UBE2O: variants seen among roughly 807,000 people sequenced by gnomAD.
UBE2O encodes the protein (E3-independent) E2 ubiquitin-conjugating enzyme.
A neutral mutation model predicts 125.8 loss-of-function variants in UBE2O; 15 were observed. The ratio of observed to expected loss-of-function variants is 0.12; its 90% CI spans 0.08 to 0.18. The LOEUF (loss-of-function observed/expected upper bound fraction) is 0.18. UBE2O is among the 10% of genes least tolerant of loss of function. The probability of loss-of-function intolerance (pLI) is 1.00; values close to 1 mark genes in which losing one functional copy is unlikely to be tolerated. For missense variants in UBE2O, 1,280 were observed against 1,723.6 expected (o/e 0.74, Z 4.56); for synonymous variants, 708 against 703.2 (o/e 1.01, Z -0.11).
chr17:76,442,929 G>A (rs557340412), intron 1 of UBE2O, among the ~76,000 whole-genome samples: 1 of 152,324 alleles, frequency 6.6e-6, no homozygotes, highest in East Asian at 1.9e-4. Context: ...GGCACAGGAT[G>A]CAAGAGGCCT....
chr17:76,399,530 A>T lies in UBE2O; in HGVS notation c.1547T>A (p.Ile516Asn), dbSNP rs2072278359. The change falls in exon 9 of 18, where the codon ATC becomes AAC. Residue 516 changes from isoleucine (I) to asparagine (N), a missense_variant. This residue lies in a region of UBE2O where 145 missense variants were observed against 219.6 expected (regional missense o/e 0.66). Transcript: ENST00000319380. The surrounding 1 kb of genome is among the most constrained non-coding windows in gnomAD (Gnocchi z 6.9). The part of the protein sequence containing the change: ...SGSGTSRKKS[I>N]PLSIKNLKRK... ...CTTTAAGTTCTTGATGGACAAGGGGATGCTCTTTTTGCGACTCGTGCCGCT... is the reference window on the plus strand; with the variant it reads ...CTTTAAGTTCTTGATGGACAAGGGGTTGCTCTTTTTGCGACTCGTGCCGCT... The T allele has an allele frequency of 2.5e-6, 4 of 1,614,048 alleles. No individual in the cohort carries two copies. In the East Asian group the frequency reaches 8.9e-5, roughly 36 times the overall value.
chr17:76,413,486 G>C (rs2072550585), intron 1 of UBE2O, among the ~76,000 whole-genome samples: 1 of 152,144 alleles, frequency 6.6e-6, no homozygotes, highest in African/African-American at 2.4e-5. Flanking sequence ...CATGTGGTAA[G>C]AATAAGTACT....
chr17:76,399,718 G>C lies in UBE2O; in HGVS notation c.1359C>G (p.Pro453=). 6.2e-7 allele frequency: 1 copy of C among 1,614,120 alleles called. No individual in the cohort carries two copies. Among genetic ancestry groups the C allele is most frequent in the South Asian group, 1.1e-5 (1 of 91,082 alleles). Residue 453 remains proline (P), a synonymous_variant, in exon 9 of 18, where the codon CCC becomes CCG. Transcript: ENST00000319380. The surrounding 1 kb of genome is among the most constrained non-coding windows in gnomAD (Gnocchi z 6.9). ...VEMQDEGAEE[P]HEAGEQLPPF... ...GGGGCAGCTGCTCTCCTGCCTCGTG[G>C]GGCTCCTCTGCACCCTCGTCCTGCA...
intron 1 of UBE2O, among the ~76,000 whole-genome samples, chr17:76,424,581 A>G (rs986198780): frequency 3.9e-5 from 6 of 152,136 alleles, no homozygotes; most frequent in African/African-American, 1.4e-4. Context: ...TAAAACATTA[A>G]AATTAATTTC....
In UBE2O at chr17:76,391,394, T is replaced by C; in HGVS notation, c.3428A>G (p.Glu1143Gly). The change falls in exon 18 of 18, where the codon GAG (glutamate) becomes GGG (glycine). Residue 1143 changes from glutamate to glycine, a missense_variant. Glu to Gly is a moderately conservative substitution (Grantham distance 98, BLOSUM62 -2). Around this residue, in one of 10 missense-constraint regions of UBE2O, gnomAD observed 233 missense variants for 279.0 expected, o/e 0.84. Coordinates refer to ENST00000319380, the MANE Select transcript of UBE2O (RefSeq NM_022066.4). The surrounding 1 kb of genome is among the most constrained non-coding windows in gnomAD (Gnocchi z 8.4). ...TGGWRLVNRI[E>G]SWLETHALLE... is the part of the protein sequence containing the mutation. ...CAGGGCATGGGTTTCCAGCCAGGAC[T>C]CGATACGGTTCACCAGCCGCCAGCC... 2 of 1,613,458 alleles carry C rather than the reference T, an allele frequency of 1.2e-6. No individual in the cohort carries two copies. The highest frequency in any genetic ancestry group is 1.7e-6 in the Non-Finnish European group (2 of 1,180,022).
intron 15 of UBE2O, 124 bp from the exon 16 acceptor site, chr17:76,392,237 G>C: frequency 5.1e-6 from 3 of 583,022 alleles, no homozygotes; most frequent in Non-Finnish European, 8.5e-6. Context: ...AGGAAGAGCA[G>C]CACCTGGGAC....
intron 1 of UBE2O, among the ~76,000 whole-genome samples, chr17:76,418,600 C>T (rs1319290996): frequency 5.4e-5 from 8 of 149,484 alleles, no homozygotes; most frequent in Admixed American, 1.3e-4. Context: ...GACGGAGTCT[C>T]GCTCTGTCAC....
At chr17:76,449,445 C>G (rs2143929619) in intron 1 of UBE2O, among the ~76,000 whole-genome samples, 1 of 152,246 alleles carries the variant, frequency 6.6e-6, no homozygotes, top group South Asian at 2.1e-4. Context: ...TGTGATGGCG[C>G]ATGCCCATAA....
At chr17:76,419,127 T>TTTG (rs2072665386) in intron 1 of UBE2O, among the ~76,000 whole-genome samples, 1 of 150,278 alleles carries the variant, frequency 6.7e-6, no homozygotes, top group African/African-American at 2.5e-5. Flanking sequence ...CTACAGATTT[T>TTTG]TTTTTTTTAA....
intron 1 of UBE2O, among the ~76,000 whole-genome samples, chr17:76,419,062 C>T (rs1322696507): frequency 6.6e-6 from 1 of 151,876 alleles, no homozygotes; most frequent in Non-Finnish European, 1.5e-5. Flanking sequence ...CTTTGAGAAT[C>T]ACTTAAGCCC....
At chr17:76,418,593 G>A (rs1165078018) in intron 1 of UBE2O, among the ~76,000 whole-genome samples, 69 of 148,558 alleles carry the variant, frequency 4.6e-4, no homozygotes, top group African/African-American at 1.3e-3. Flanking sequence ...TTTTTGAGAC[G>A]GAGTCTCGCT....
At position 76,400,561 on chromosome 17, in the gene UBE2O, C is replaced by A; in HGVS notation, c.895-11G>T. Reference sequence around the variant, plus strand: ...CTCTACAACCTGCACCTGGGGATGGCAGGTGGGACACGCCAGTCAGGGCAG... The same window carrying A: ...CTCTACAACCTGCACCTGGGGATGGAAGGTGGGACACGCCAGTCAGGGCAG... On this transcript the variant is annotated splice_polypyrimidine_tract_variant and intron_variant, in intron 6 of 17. Transcript: ENST00000319380. This position sits in a 1 kb window ranked among gnomAD's most constrained non-coding sequence, Gnocchi z 4.3. The A allele has an allele frequency of 6.3e-7, 1 of 1,592,838 alleles. No homozygotes were observed. Among genetic ancestry groups the A allele is most frequent in the South Asian group, 1.1e-5 (1 of 89,252 alleles).
In UBE2O at chr17:76,436,196, G is replaced by A. The variant is rs146938642; in HGVS notation, c.417+16529C>T. 5.0e-3 allele frequency among the ~76,000 whole-genome samples: 767 copies of A among 152,184 alleles called. 8 individuals are homozygous for A. Among genetic ancestry groups the A allele is most frequent in the African/African-American group, 0.017 (710 of 41,510 alleles). Reference sequence around the variant, plus strand: ...CGGGAGGCGGAGGTTACAGTGAGCCGAGATAGCACCATTGCACTCCAGCCT... The same window carrying A: ...CGGGAGGCGGAGGTTACAGTGAGCCAAGATAGCACCATTGCACTCCAGCCT... On this transcript the variant is annotated intron_variant, in intron 1 of 17. Transcript: ENST00000319380.
Position 76,395,986 on chromosome 17 carries a change from G to T in UBE2O, c.2810-125C>A. ...TCGCCGCTGCTGGCCTCAGCACTGTGACCACACAGGGAAATGGTTTGCCCT... is the reference window on the plus strand; with the variant it reads ...TCGCCGCTGCTGGCCTCAGCACTGTTACCACACAGGGAAATGGTTTGCCCT... On this transcript the variant is annotated intron_variant, in intron 14 of 17. Coordinates refer to ENST00000319380, the MANE Select transcript of UBE2O (RefSeq NM_022066.4). The surrounding 1 kb of genome is among the most constrained non-coding windows in gnomAD (Gnocchi z 5.0). The T allele has an allele frequency of 6.6e-7, 1 of 1,511,356 alleles. No homozygotes were observed. Among genetic ancestry groups the T allele is most frequent in the Non-Finnish European group, 9.0e-7 (1 of 1,107,668 alleles). The allele number at this position is 1,511,356 out of a possible 1,614,324, so 93.6% of individuals were successfully genotyped here.
At chr17:76,408,272 T>TC (rs1173125895) in intron 1 of UBE2O, among the ~76,000 whole-genome samples, 1 of 152,212 alleles carries the variant, frequency 6.6e-6, no homozygotes, top group African/African-American at 2.4e-5. Flanking sequence ...CTGGAGTTTT[T>TC]CGCCTCATGC....
At chr17:76,436,998 C>T (rs2073006887) in intron 1 of UBE2O, among the ~76,000 whole-genome samples, 1 of 152,000 alleles carries the variant, frequency 6.6e-6, no homozygotes, top group Admixed American at 6.5e-5. Flanking sequence ...AACAACAAAA[C>T]AATTAGCTGG....
Position 76,402,473 on chromosome 17 carries a change from C to G in UBE2O, c.686+129G>C. ...CGGTACAGGGTTAGGCCCTGGATGC[C>G]TGCAACATCTGTCACTGCCCTTGAT... On this transcript the variant is annotated intron_variant, in intron 4 of 17. Coordinates refer to ENST00000319380, the MANE Select transcript of UBE2O (RefSeq NM_022066.4). This position sits in a 1 kb window ranked among gnomAD's most constrained non-coding sequence, Gnocchi z 5.4. The G allele has an allele frequency of 1.2e-6, 1 of 822,724 alleles. No homozygotes were observed. The highest frequency in any genetic ancestry group is 1.9e-5 in the Admixed American group (1 of 52,724). The allele number at this position is 822,724 out of a possible 1,614,324, so 51.0% of individuals were successfully genotyped here. A position where few individuals can be genotyped will look rare whatever the true frequency, so the allele number is the denominator to read the frequency against.
chr17:76,411,845 G>T (rs546727920), intron 1 of UBE2O, among the ~76,000 whole-genome samples: 2 of 151,918 alleles, frequency 1.3e-5, no homozygotes, highest in African/African-American at 2.4e-5. Context: ...GCCACCACCC[G>T]GCTAATTTTA....
At chr17:76,447,288 T>C (rs144957338) in intron 1 of UBE2O, among the ~76,000 whole-genome samples, 19 of 152,312 alleles carry the variant, frequency 1.2e-4, no homozygotes, top group African/African-American at 4.1e-4. Context: ...TTCCTCCACT[T>C]AGAAGTGTGA....
Sources: gnomAD v4.1 joint callset for allele counts (sites outside exome capture counted in the v4.1 genomes callset) on GRCh38, gnomAD v4.1.1 for gene constraint, gnomAD v4.1.1 regional missense constraint, Gnocchi (gnomAD v3.1) non-coding constraint, MANE v1.5 for transcripts, NCBI Gene and HGNC (gene_info 2026-07-23, HGNC 2026-07-21) for gene names.